Variants in APPBP2 observed in about 807,000 individuals in gnomAD.
APPBP2 encodes the protein amyloid protein-binding protein 2.
In APPBP2, 15 loss-of-function variants were observed where a neutral mutation model predicts 76.0. That is an observed-to-expected ratio of 0.20 (90% CI 0.13 to 0.30). The LOEUF (loss-of-function observed/expected upper bound fraction) is 0.30, where lower values mean the gene tolerates loss of function less well. Ranked by LOEUF, APPBP2 falls within the 10% of genes least tolerant of loss-of-function variation. The pLI, the probability that APPBP2 is intolerant of heterozygous loss-of-function variation, is 1.00. For missense variants in APPBP2, 401 were observed against 687.2 expected (o/e 0.58, Z 4.66); for synonymous variants, 222 against 242.2 (o/e 0.92, Z 0.77).
chr17:60,495,593 C>T (rs1340554774), intron 2 of APPBP2, among the ~76,000 whole-genome samples: 10 of 151,904 alleles, frequency 6.6e-5, no homozygotes, highest in Non-Finnish European at 1.0e-4. Context: ...GCTTCAGCCT[C>T]CACAGTAGCT....
intron 12 of APPBP2, among the ~76,000 whole-genome samples, chr17:60,451,124 C>A (rs1485524657): frequency 1.3e-5 from 2 of 152,134 alleles, no homozygotes; most frequent in South Asian, 4.1e-4. Context: ...GGCAGTGATA[C>A]GCAACATCAC....
intron 8 of APPBP2, 116 bp downstream of exon 8, chr17:60,461,694 T>G (rs757526313): frequency 4.1e-5 from 28 of 679,408 alleles, no homozygotes; most frequent in Non-Finnish European, 7.2e-5. Context: ...CAACCTATAT[T>G]GGTGGGCGGG....
chr17:60,503,543 G>A (rs1454656834), intron 1 of APPBP2, among the ~76,000 whole-genome samples: 2 of 145,380 alleles, frequency 1.4e-5, no homozygotes, highest in East Asian at 1.9e-4. Context: ...CCGCCACCAC[G>A]CCCAGCTAAT....
intron 2 of APPBP2, among the ~76,000 whole-genome samples, chr17:60,498,845 T>C (rs1311530559): frequency 6.6e-6 from 1 of 152,110 alleles, no homozygotes; most frequent in East Asian, 1.9e-4. Context: ...ACCAGGTATA[T>C]GGAAAAACTA....
intron 1 of APPBP2, chr17:60,513,128 G>A (rs768236538): frequency 1.2e-4 from 34 of 276,316 alleles, no homozygotes; most frequent in African/African-American, 6.5e-4. Flanking sequence ...CAGCGAGCTC[G>A]GAAGGTGTCC....
rs918567460 is a variant in APPBP2, at chr17:60,445,342, T to C, written c.*2239A>G. The C allele has an allele frequency of 2.6e-5, 4 of 152,624 alleles. No homozygotes were observed. Among genetic ancestry groups the C allele is most frequent in the African/African-American group, 7.2e-5 (3 of 41,444 alleles). The allele number at this position is 152,624 out of a possible 1,614,324, so 9.5% of individuals were successfully genotyped here. A position where few individuals can be genotyped will look rare whatever the true frequency, so the allele number is the denominator to read the frequency against. On this transcript the variant is annotated 3_prime_UTR_variant, in exon 13 of 13. Transcript: ENST00000083182. ...TGTTGTTTTATCACTGAGTGTGAGCTAAGTTGAGTTCAAATGGAGTTAGGG... is the reference window on the plus strand; with the variant it reads ...TGTTGTTTTATCACTGAGTGTGAGCCAAGTTGAGTTCAAATGGAGTTAGGG...
At chr17:60,499,682 AATAG>A (rs1468647068) in intron 2 of APPBP2, among the ~76,000 whole-genome samples, 2 of 152,266 alleles carry the variant, frequency 1.3e-5, no homozygotes, top group African/African-American at 4.8e-5. Flanking sequence ...TTGACAGATG[AATAG>A]ATAAACAAAA....
At chr17:60,494,964 AGTTTTTTTTGTTTTGT>A (rs1484030217) in intron 2 of APPBP2, among the ~76,000 whole-genome samples, 4 of 150,070 alleles carry the variant, frequency 2.7e-5, no homozygotes, top group African/African-American at 9.8e-5. Context: ...AAGATAGAAG[AGTTTTTTTTGTTTTGT>A]TTTGTTTTTT....
chr17:60,456,029 C>T (rs2090428620), intron 10 of APPBP2, among the ~76,000 whole-genome samples: 2 of 152,178 alleles, frequency 1.3e-5, no homozygotes. Flanking sequence ...CTGCCTGCCT[C>T]GGCCTCCCAA....
rs559463117 is a variant in APPBP2, at chr17:60,524,581, T to G, written c.138+1213A>C. Among the ~76,000 whole-genome samples, 5 of 125,226 alleles carry G rather than the reference T, an allele frequency of 4.0e-5. No homozygotes were observed. The South Asian group carries it at 1.2e-3, about 31-fold the overall frequency. 82.2% of individuals were successfully genotyped at this position (125,226 alleles called of 152,430 possible). ...ATTGGTGCAAAGCAGCTGGATTTAG[T>G]AGAACGCAGCCCATCAACTGCTAAT... On this transcript the variant is annotated intron_variant, in intron 1 of 12. Coordinates refer to ENST00000083182, the MANE Select transcript of APPBP2 (RefSeq NM_006380.5).
In APPBP2 at chr17:60,447,631, C is replaced by A; in HGVS notation, c.1708G>T (p.Val570Leu). 6.2e-7 allele frequency: 1 copy of A among 1,614,122 alleles called. No homozygotes were observed. The highest frequency in any genetic ancestry group is 8.5e-7 in the Non-Finnish European group (1 of 1,180,036). The stretch of plus-strand genomic sequence containing the variant: ...TGAGAAATCAGGAAGGACTGCACCA[C>A]TTCTTCAGTGGACTGGGGGCTGGTG... ...VSTSPQSTEE[V>L]VQSFLISQNV... The change falls in exon 13 of 13, where the codon GTG (valine) becomes TTG (leucine). Residue 570 changes from valine (V) to leucine (L), a missense_variant. Val to Leu is a conservative substitution (Grantham distance 32, BLOSUM62 1). Coordinates refer to ENST00000083182, the MANE Select transcript of APPBP2 (RefSeq NM_006380.5).
At chr17:60,455,751 G>A (rs1335624094) in intron 10 of APPBP2, among the ~76,000 whole-genome samples, 7 of 151,740 alleles carry the variant, frequency 4.6e-5, no homozygotes, top group Admixed American at 3.9e-4. Flanking sequence ...TGACAAAAGG[G>A]AGAGAGAAAA....
chr17:60,466,471 C>A lies in APPBP2; in HGVS notation c.504-12G>T. On this transcript the variant is annotated splice_polypyrimidine_tract_variant and intron_variant, in intron 4 of 12. Coordinates refer to ENST00000083182, the MANE Select transcript of APPBP2 (RefSeq NM_006380.5). ...GCACATGAAGCAACCTATAAAACACCAATAACATTGCTCTATTTTTGATAT... is the reference window on the plus strand; with the variant it reads ...GCACATGAAGCAACCTATAAAACACAAATAACATTGCTCTATTTTTGATAT... The A allele has an allele frequency of 1.2e-6, 2 of 1,607,730 alleles. No homozygotes were observed. Among genetic ancestry groups the A allele is most frequent in the Non-Finnish European group, 1.7e-6 (2 of 1,178,880 alleles).
At chr17:60,460,973 C>A (rs973146176) in intron 8 of APPBP2, 186 bp from the exon 9 acceptor site, 5 of 380,122 alleles carry the variant, frequency 1.3e-5, no homozygotes, top group African/African-American at 2.1e-5. Flanking sequence ...TCTGAAGATA[C>A]GAGTTTGACT....
In APPBP2 at chr17:60,449,223, A is replaced by G. The variant is rs1231744132; in HGVS notation, c.1505-1389T>C. 3.3e-5 allele frequency among the ~76,000 whole-genome samples: 5 copies of G among 152,216 alleles called. 1 individual carries two copies. Among genetic ancestry groups the G allele is most frequent in the Admixed American group, 1.3e-4 (2 of 15,278 alleles). On this transcript the variant is annotated intron_variant, in intron 12 of 12. Coordinates refer to ENST00000083182, the MANE Select transcript of APPBP2 (RefSeq NM_006380.5). ...TTGAGGAATGAGCAAGTCAGTCAAT[A>G]TATTATAGATAATAGGGAACCCACA...
intron 1 of APPBP2, among the ~76,000 whole-genome samples, chr17:60,502,668 A>G (rs2090831744): frequency 6.8e-6 from 1 of 146,632 alleles, no homozygotes; most frequent in Non-Finnish European, 1.5e-5. Context: ...CAGACTGGCC[A>G]ACATGGAGAA....
In APPBP2 at chr17:60,519,482, C is replaced by A. The variant is rs948613708; in HGVS notation, c.138+6312G>T. On this transcript the variant is annotated intron_variant, in intron 1 of 12. Coordinates refer to ENST00000083182, the MANE Select transcript of APPBP2 (RefSeq NM_006380.5). Reference sequence around the variant, plus strand: ...TTTTTAAGGTTTTTTTTGTTGTTATCTCCTACAGAAAGGAGAAAATTTTTT... The same window carrying A: ...TTTTTAAGGTTTTTTTTGTTGTTATATCCTACAGAAAGGAGAAAATTTTTT... Among the ~76,000 whole-genome samples the A allele has an allele frequency of 3.3e-5, 5 of 150,910 alleles. No individual in the cohort carries two copies. The South Asian group carries it at 6.2e-4, about 19-fold the overall frequency.
chr17:60,467,622 C>A (rs943257121), intron 4 of APPBP2, among the ~76,000 whole-genome samples: 21 of 152,090 alleles, frequency 1.4e-4, no homozygotes, highest in Admixed American at 9.2e-4. Context: ...GTAAGACTTT[C>A]ATTTAAGGAT....
At chr17:60,494,984 G>GTTTTTTTTTTT (rs60043373) in intron 2 of APPBP2, among the ~76,000 whole-genome samples, 14 of 107,034 alleles carry the variant, frequency 1.3e-4, no homozygotes, top group East Asian at 4.7e-4. Flanking sequence ...GTTTTGTTTT[G>GTTTTTTTTTTT]TTTTTTTTTT....
Sources: allele counts gnomAD v4.1 joint callset (sites outside exome capture counted in the v4.1 genomes callset), GRCh38; gene constraint gnomAD v4.1.1; transcripts MANE v1.5; gene names NCBI Gene and HGNC (gene_info 2026-07-23, HGNC 2026-07-21).